The following IL1RAPL1 variants were observed in gnomAD, a reference collection of about 807,000 sequenced individuals.
IL1RAPL1 encodes the protein interleukin-1 receptor accessory protein-like 1.
Under a neutral mutation model 48.4 loss-of-function variants are expected in IL1RAPL1, and 3 were observed. The observed-to-expected ratio is 0.06, with a 90% CI of 0.03 to 0.16. IL1RAPL1 has a LOEUF of 0.16. IL1RAPL1 is among the 10% of genes least tolerant of loss of function. The pLI, the probability that IL1RAPL1 is intolerant of heterozygous loss-of-function variation, is 1.00. For synonymous variants in IL1RAPL1, 185 were observed against 187.7 expected (o/e 0.99, Z 0.12); for missense variants, 349 against 530.6 (o/e 0.66, Z 3.36).
intron 5 of IL1RAPL1, among the ~76,000 whole-genome samples, chrX:29,533,558 T>A (rs1383927167): frequency 8.9e-6 from 1 of 112,289 alleles, no homozygotes; most frequent in East Asian, 2.8e-4. Context: ...CTGCTATGAA[T>A]GTTTTTGCAC....
chrX:28,989,568 G>T, intron 2 of IL1RAPL1, among the ~76,000 whole-genome samples: 1 of 111,972 alleles, frequency 8.9e-6, no homozygotes, highest in Non-Finnish European at 1.9e-5. Flanking sequence ...ATACACTGAC[G>T]CATATACAAG....
At chrX:29,574,498 A>T (rs925374530) in intron 5 of IL1RAPL1, 8 of 110,293 alleles carry the variant, frequency 7.3e-5, no homozygotes, top group African/African-American at 2.6e-4. Flanking sequence ...AAAAGTCCGC[A>T]GTCTGAAGTC....
intron 6 of IL1RAPL1, among the ~76,000 whole-genome samples, chrX:29,894,409 A>G (rs1164690321): frequency 8.9e-6 from 1 of 112,383 alleles, no homozygotes; most frequent in African/African-American, 3.2e-5. Context: ...TCTGAACATT[A>G]TCGTAAGAAA....
intron 6 of IL1RAPL1, among the ~76,000 whole-genome samples, chrX:29,802,842 C>CAT (rs202123861): frequency 0.32 from 9,507 of 29,666 alleles, 2,211 homozygotes; most frequent in African/African-American, 0.39. Context: ...TATATGTATA[C>CAT]ATATATGTGT....
At chrX:29,561,011 G>A (rs1034095042) in intron 5 of IL1RAPL1, among the ~76,000 whole-genome samples, 6 of 111,877 alleles carry the variant, frequency 5.4e-5, no homozygotes, top group African/African-American at 2.0e-4. Flanking sequence ...CTGACTTCAG[G>A]ATACAAAGAC....
At chrX:28,615,652 T>A in intron 1 of IL1RAPL1, among the ~76,000 whole-genome samples, 1 of 111,224 alleles carries the variant, frequency 9.0e-6, no homozygotes, top group Middle Eastern at 4.6e-3. Context: ...GGTCAGACAC[T>A]GCGTGTAGGG....
intron 5 of IL1RAPL1, among the ~76,000 whole-genome samples, chrX:29,650,281 T>C (rs1297946659): frequency 9.0e-6 from 1 of 111,601 alleles, no homozygotes; most frequent in Non-Finnish European, 1.9e-5. Context: ...AAGAATCCAA[T>C]AGGTTTTATA....
chrX:29,691,268 A>C (rs146611372), intron 6 of IL1RAPL1, among the ~76,000 whole-genome samples: 5 of 112,022 alleles, frequency 4.5e-5, no homozygotes, highest in African/African-American at 1.6e-4. Flanking sequence ...GCAAGACACG[A>C]AAATGGTACT....
intron 2 of IL1RAPL1, among the ~76,000 whole-genome samples, chrX:28,818,636 T>G (rs111398431): frequency 0.018 from 1,978 of 110,887 alleles, 40 homozygotes; most frequent in African/African-American, 0.061. Context: ...TGAGGTTTGC[T>G]GTTTCTCAGG....
intron 1 of IL1RAPL1, among the ~76,000 whole-genome samples, chrX:28,592,184 CT>C (rs1407185673): frequency 8.9e-6 from 1 of 111,804 alleles, no homozygotes; most frequent in Non-Finnish European, 1.9e-5. Context: ...AAAATAGTTG[CT>C]TTTGAATAAC....
At chrX:28,660,140 T>TGTGTGTGTGTGTGTG in intron 1 of IL1RAPL1, among the ~76,000 whole-genome samples, 10 of 85,128 alleles carry the variant, frequency 1.2e-4, no homozygotes, top group East Asian at 1.0e-3. Context: ...TGTGTGTGTG[T>TGTGTGTGTGTGTGTG]TGGAGTTACT....
intron 5 of IL1RAPL1, among the ~76,000 whole-genome samples, chrX:29,649,618 A>G (rs1388993758): frequency 9.0e-6 from 1 of 111,668 alleles, no homozygotes; most frequent in Non-Finnish European, 1.9e-5. Flanking sequence ...TCATGACCAT[A>G]AAGACCATAT....
At chrX:29,682,658 C>A (rs1349470553) in intron 6 of IL1RAPL1, among the ~76,000 whole-genome samples, 1 of 112,278 alleles carries the variant, frequency 8.9e-6, no homozygotes, top group Non-Finnish European at 1.9e-5. Flanking sequence ...ATCTTTACAT[C>A]CCTGATATGT....
At chrX:29,346,333 A>G (rs954801201) in intron 3 of IL1RAPL1, among the ~76,000 whole-genome samples, 5 of 112,350 alleles carry the variant, frequency 4.5e-5, no homozygotes, top group Non-Finnish European at 9.4e-5. Context: ...TTCCCTCCAC[A>G]TTGTCAACCT....
At chrX:29,020,726 G>C (rs1569220792) in intron 2 of IL1RAPL1, among the ~76,000 whole-genome samples, 1 of 111,455 alleles carries the variant, frequency 9.0e-6, no homozygotes, top group Admixed American at 9.5e-5. Flanking sequence ...ATAAAGGAGA[G>C]GGACTGAGAA....
chrX:29,497,136 G>C (rs1300674412), intron 5 of IL1RAPL1, among the ~76,000 whole-genome samples: 1 of 111,776 alleles, frequency 8.9e-6, no homozygotes, highest in Non-Finnish European at 1.9e-5. Flanking sequence ...TCATTATTGA[G>C]TTTCTTCATA....
At chrX:29,413,071 C>T (rs1934164883) in intron 5 of IL1RAPL1, among the ~76,000 whole-genome samples, 2 of 111,255 alleles carry the variant, frequency 1.8e-5, no homozygotes, top group South Asian at 7.5e-4. Flanking sequence ...GTCATGGGGG[C>T]GGGTCTTTGC....
intron 2 of IL1RAPL1, among the ~76,000 whole-genome samples, chrX:28,966,095 T>G (rs1924914022): frequency 8.9e-6 from 1 of 111,840 alleles, no homozygotes. Context: ...GTCCCCAATT[T>G]AGAGCAAAAC....
intron 6 of IL1RAPL1, among the ~76,000 whole-genome samples, chrX:29,849,101 T>G (rs1158195306): frequency 9.1e-6 from 1 of 109,846 alleles, no homozygotes; most frequent in Non-Finnish European, 1.9e-5. Context: ...CAAGATTTGC[T>G]CTTACCAACC....
Sources: gnomAD v4.1 joint callset for allele counts (sites outside exome capture counted in the v4.1 genomes callset) on GRCh38, gnomAD v4.1.1 for gene constraint, MANE v1.5 for transcripts, NCBI Gene and HGNC (gene_info 2026-07-23, HGNC 2026-07-21) for gene names.